The following GRIA4 variants were observed in gnomAD, a reference collection of about 807,000 sequenced individuals.
GRIA4 encodes glutamate receptor 4.
Under a neutral mutation model 104.0 loss-of-function variants are expected in GRIA4, and 34 were observed. The ratio of observed to expected loss-of-function variants is 0.33; its 90% CI spans 0.25 to 0.44. The LOEUF is 0.44. Ranked by LOEUF, GRIA4 falls within the 20% of genes least tolerant of loss-of-function variation. The probability of loss-of-function intolerance (pLI) is 1.00; values close to 1 mark genes in which losing one functional copy is unlikely to be tolerated. For missense variants in GRIA4, 750 were observed against 1,096.5 expected (o/e 0.68, Z 4.46); for synonymous variants, 386 against 381.9 (o/e 1.01, Z -0.13).
chr11:105,677,177 T>G (rs887102870), intron 3 of GRIA4, among the ~76,000 whole-genome samples: 1 of 151,798 alleles, frequency 6.6e-6, no homozygotes. Context: ...TTATTTATCT[T>G]TAGGAATGTT....
At chr11:105,937,250 C>T (rs1948070400) in intron 14 of GRIA4, among the ~76,000 whole-genome samples, 3 of 152,200 alleles carry the variant, frequency 2.0e-5, no homozygotes, top group South Asian at 4.1e-4. Context: ...TTTGACTTTA[C>T]TCTCAATACT....
intron 14 of GRIA4, chr11:105,965,871 A>G: frequency 9.8e-7 from 1 of 1,016,782 alleles, no homozygotes; most frequent in Non-Finnish European, 1.5e-6. Context: ...AAGCTTATAA[A>G]GAGCTTAAGT....
intron 3 of GRIA4, among the ~76,000 whole-genome samples, chr11:105,682,466 A>G (rs370940933): frequency 6.6e-6 from 1 of 152,158 alleles, no homozygotes; most frequent in Admixed American, 6.6e-5. Context: ...ATTTAAGACA[A>G]ATTTTCAAAA....
At chr11:105,746,771 A>C (rs541812842) in intron 3 of GRIA4, among the ~76,000 whole-genome samples, 9 of 152,296 alleles carry the variant, frequency 5.9e-5, no homozygotes, top group Admixed American at 3.3e-4. Context: ...TAAAATATCA[A>C]AGGGACAGAA....
intron 4 of GRIA4, among the ~76,000 whole-genome samples, chr11:105,754,249 A>G (rs556961348): frequency 1.3e-5 from 2 of 152,320 alleles, no homozygotes; most frequent in Admixed American, 1.3e-4. Flanking sequence ...GTCAGGAAAC[A>G]GAGAGGAAGA....
chr11:105,717,163 A>T (rs1484090672), intron 3 of GRIA4, among the ~76,000 whole-genome samples: 1 of 152,078 alleles, frequency 6.6e-6, no homozygotes, highest in Non-Finnish European at 1.5e-5. Flanking sequence ...GAAAAGGTGG[A>T]TTGGAGCTAA....
At chr11:105,675,779 T>G (rs557888822) in intron 3 of GRIA4, among the ~76,000 whole-genome samples, 78 of 151,922 alleles carry the variant, frequency 5.1e-4, no homozygotes, top group African/African-American at 1.8e-3. Flanking sequence ...CTTTTTAAAA[T>G]TTGGGGATCA....
At chr11:105,794,510 T>TATATATATATAC (rs1555010377) in intron 4 of GRIA4, among the ~76,000 whole-genome samples, 2 of 121,648 alleles carry the variant, frequency 1.6e-5, no homozygotes, top group South Asian at 2.6e-4. Context: ...TATATATATA[T>TATATATATATAC]ATACATATAC....
chr11:105,714,742 A>G (rs191678572), intron 3 of GRIA4, among the ~76,000 whole-genome samples: 422 of 152,252 alleles, frequency 2.8e-3, no homozygotes, highest in Middle Eastern at 0.01. Context: ...AATTAATTAT[A>G]CTGAACAGAA....
chr11:105,936,862 G>A (rs929541660), intron 14 of GRIA4, among the ~76,000 whole-genome samples: 1 of 152,120 alleles, frequency 6.6e-6, no homozygotes, highest in Non-Finnish European at 1.5e-5. Context: ...GCTCTTTACC[G>A]TTCAGACTTT....
Position 105,898,359 on chromosome 11 carries a change from A to G in GRIA4, c.817A>G (p.Ile273Val). The change falls in exon 7 of 17, where the codon ATC becomes GTC. Residue 273 changes from isoleucine (I) to valine (V), a missense_variant. Physicochemically the swap from Ile to Val is conservative, Grantham distance 29 (BLOSUM62 3). Transcript: ENST00000282499. Reference protein sequence around the residue: ...QLVDFNTPMVIKLMDRWKKLD... With the variant: ...QLVDFNTPMVVKLMDRWKKLD... ...GGTGGATTTTAATACACCTATGGTA[A>G]TCAAACTAATGGATCGCTGGAAGAA... 1 of 1,586,750 alleles carries G rather than the reference A, an allele frequency of 6.3e-7. No homozygotes were observed. Among genetic ancestry groups the G allele is most frequent in the Non-Finnish European group, 8.7e-7 (1 of 1,155,280 alleles).
chr11:105,684,546 C>T (rs376651585), intron 3 of GRIA4, among the ~76,000 whole-genome samples: 118 of 144,984 alleles, frequency 8.1e-4, no homozygotes, highest in African/African-American at 2.6e-3. Context: ...TATATATATA[C>T]ATATATATAT....
At chr11:105,613,446 A>G (rs1950527529) in intron 3 of GRIA4, 1 of 152,208 alleles carries the variant, frequency 6.6e-6, no homozygotes, top group Admixed American at 6.5e-5. Context: ...TAGTTTCTAC[A>G]TACAATTTTG....
intron 3 of GRIA4, among the ~76,000 whole-genome samples, chr11:105,739,901 T>C (rs1939202051): frequency 6.6e-6 from 1 of 152,150 alleles, no homozygotes; most frequent in South Asian, 2.1e-4. Flanking sequence ...TAAGTTAATA[T>C]AGAATGAAAA....
In GRIA4 at chr11:105,767,644, CATA is replaced by C. The variant is rs1463831034; in HGVS notation, c.487+14431_487+14433del. Among the ~76,000 whole-genome samples, 4 of 152,186 alleles carry C rather than the reference CATA, an allele frequency of 2.6e-5. No homozygotes were observed. The South Asian group carries it at 6.2e-4, about 24-fold the overall frequency. On this transcript the variant is annotated intron_variant, in intron 4 of 16. Coordinates refer to ENST00000282499, the MANE Select transcript of GRIA4 (RefSeq NM_000829.4). Reference sequence around the variant, plus strand: ...GAGGTTCTTCAAGAATTTATAATCTCATAATAATAGCAAGCACTTATATAGTAC... The same window carrying C: ...GAGGTTCTTCAAGAATTTATAATCTCATAATAGCAAGCACTTATATAGTAC...
At chr11:105,877,601 C>T (rs1406796969) in intron 5 of GRIA4, among the ~76,000 whole-genome samples, 1 of 152,024 alleles carries the variant, frequency 6.6e-6, no homozygotes, top group Non-Finnish European at 1.5e-5. Context: ...GACGCTTTTT[C>T]ATTAGTTTTC....
intron 3 of GRIA4, among the ~76,000 whole-genome samples, chr11:105,673,964 C>T (rs1952456273): frequency 6.6e-6 from 1 of 151,752 alleles, no homozygotes; most frequent in African/African-American, 2.4e-5. Flanking sequence ...TTAATGTGTT[C>T]CTGGGTATTT....
chr11:105,611,696 C>T (rs1750899898), intron 2 of GRIA4, among the ~76,000 whole-genome samples: 1 of 152,082 alleles, frequency 6.6e-6, no homozygotes, highest in Admixed American at 6.5e-5. Context: ...ACCCTCCATC[C>T]TTGGCTTTTC....
Position 105,974,398 on chromosome 11 carries a change from T to C in GRIA4, c.2498T>C (p.Leu833Ser), listed in dbSNP as rs1462186932. Residue 833 changes from leucine (L) to serine (S), a missense_variant, in exon 16 of 17, where the codon TTG (leucine) becomes TCG (serine). Coordinates refer to ENST00000282499, the MANE Select transcript of GRIA4 (RefSeq NM_000829.4). ...GGLGLAMLVA[L>S]IEFCYKSRAE... ...TTGGGCTTGGCAATGCTGGTGGCTT[T>C]GATAGAGTTCTGTTACAAGTCCAGG... 6.2e-7 allele frequency: 1 copy of C among 1,613,852 alleles called. No individual in the cohort carries two copies. Among genetic ancestry groups the C allele is most frequent in the African/African-American group, 1.3e-5 (1 of 74,884 alleles).
Sources: gnomAD v4.1 joint callset for allele counts (sites outside exome capture counted in the v4.1 genomes callset) on GRCh38, gnomAD v4.1.1 for gene constraint, MANE v1.5 for transcripts, NCBI Gene and HGNC (gene_info 2026-07-23, HGNC 2026-07-21) for gene names.